Variants in ARHGEF11 observed in about 807,000 individuals in gnomAD.
ARHGEF11 encodes the protein Rho guanine exchange factor (GEF) 11.
A neutral mutation model predicts 193.7 loss-of-function variants in ARHGEF11; 55 were observed. That is an observed-to-expected ratio of 0.28 (90% CI 0.23 to 0.36). The LOEUF (loss-of-function observed/expected upper bound fraction) is 0.36. Among genes scored for constraint, ARHGEF11 ranks in the 10% least tolerant of loss-of-function variants. The pLI, the probability that ARHGEF11 is intolerant of heterozygous loss-of-function variation, is 1.00. For missense variants in ARHGEF11, 1,723 were observed against 2,005.6 expected, an observed-to-expected ratio of 0.86 and a Z score of 2.69; for synonymous variants, 693 against 768.0, an observed-to-expected ratio of 0.90 and a Z score of 1.62.
chr1:157,024,011 T>C (rs771388420), intron 1 of ARHGEF11, among the ~76,000 whole-genome samples: 11 of 152,146 alleles, frequency 7.2e-5, no homozygotes, highest in Non-Finnish European at 8.8e-5. Context: ...GCATTATTCA[T>C]AATAGCCAAA....
At chr1:156,936,493 A>ATATATATAT (rs1481502478) in intron 40 of ARHGEF11, among the ~76,000 whole-genome samples, 20 of 62,394 alleles carry the variant, frequency 3.2e-4, no homozygotes, top group South Asian at 1.5e-3. Context: ...AAAAAAAAAA[A>ATATATATAT]AAAAATATAT....
intron 1 of ARHGEF11, among the ~76,000 whole-genome samples, chr1:157,029,539 T>C (rs1374418530): frequency 6.6e-6 from 1 of 152,138 alleles, no homozygotes; most frequent in African/African-American, 2.4e-5. Context: ...CCCAAAGCAC[T>C]GGGATTACAG....
At chr1:156,967,953 AAGGAAAACTGC>A (rs765868342) in intron 11 of ARHGEF11, 23 bp downstream of exon 11, 53 of 1,612,914 alleles carry the variant, frequency 3.3e-5, no homozygotes, top group Non-Finnish European at 4.4e-5. Context: ...CTTCTGAGAA[AAGGAAAACTGC>A]AGGGTGGCTC....
At chr1:157,029,092 G>T (rs1025496752) in intron 1 of ARHGEF11, among the ~76,000 whole-genome samples, 1 of 151,550 alleles carries the variant, frequency 6.6e-6, no homozygotes, top group African/African-American at 2.4e-5. Flanking sequence ...ACCTGAGCTG[G>T]GGAGGTCAAG....
intron 1 of ARHGEF11, among the ~76,000 whole-genome samples, chr1:157,033,262 T>A (rs1279103565): frequency 6.6e-6 from 1 of 152,044 alleles, no homozygotes; most frequent in Non-Finnish European, 1.5e-5. Context: ...CCTTTTTTTT[T>A]ATTGAATAGT....
intron 11 of ARHGEF11, chr1:156,967,775 T>G (rs1461219816): frequency 1.6e-6 from 1 of 638,594 alleles, no homozygotes; most frequent in African/African-American, 1.8e-5. Flanking sequence ...ACTCTCCACA[T>G]AGAAATGGAG....
upstream of ARHGEF11, among the ~76,000 whole-genome samples, chr1:157,046,830 T>TG (rs1160678890): frequency 9.6e-5 from 13 of 134,956 alleles, no homozygotes; most frequent in African/African-American, 3.4e-4. Flanking sequence ...GCCAACATGG[T>TG]GAAACCCCCC....
chr1:156,940,440 AG>A lies in ARHGEF11; in HGVS notation c.3515-16del. 3 of 1,589,250 alleles carry A rather than the reference AG, an allele frequency of 1.9e-6. No homozygotes were observed. The highest frequency in any genetic ancestry group is 2.6e-6 in the Non-Finnish European group (3 of 1,162,922). On this transcript the variant is annotated splice_polypyrimidine_tract_variant and intron_variant, in intron 35 of 40. Transcript: ENST00000368194. ...GGACCCAGTGCCTGTTTCGGATGAG[AG>A]AAGATTGTAAGGCAGGGAAAGGGAG...
rs756850014 is a variant in ARHGEF11, at chr1:156,947,963, GA to G, written c.2154-8del. On this transcript the variant is annotated splice_region_variant and splice_polypyrimidine_tract_variant and intron_variant, in intron 24 of 40. Transcript: ENST00000368194. Reference sequence around the variant, plus strand: ...ACTGGGGGACTCAATGCTCCTGGGGGAAAACAGGCAGCTCAGCTTCATTTAG... The same window carrying G: ...ACTGGGGGACTCAATGCTCCTGGGGGAAACAGGCAGCTCAGCTTCATTTAG... 1.2e-6 allele frequency: 2 copies of G among 1,611,408 alleles called. No homozygotes were observed. The highest frequency in any genetic ancestry group is 1.3e-5 in the African/African-American group (1 of 74,996).
rs1658623193 is a variant in ARHGEF11, at chr1:156,948,782, G to A, written c.1926-284C>T. The A allele has an allele frequency of 1.0e-6, 1 of 985,236 alleles. No individual in the cohort carries two copies. Among genetic ancestry groups the A allele is most frequent in the African/African-American group, 1.7e-5 (1 of 57,218 alleles). The allele number at this position is 985,236 out of a possible 1,614,324, so 61.0% of individuals were successfully genotyped here. ...GATCCTAACAGGAAGATGAAATCTGGGGCTAACAGACTCTGAGTTGTAGTG... is the reference window on the plus strand; with the variant it reads ...GATCCTAACAGGAAGATGAAATCTGAGGCTAACAGACTCTGAGTTGTAGTG... On this transcript the variant is annotated intron_variant, in intron 22 of 40. Coordinates refer to ENST00000368194, the MANE Select transcript of ARHGEF11 (RefSeq NM_198236.3). The surrounding 1 kb of genome is among the most constrained non-coding windows in gnomAD (Gnocchi z 4.2).
intron 1 of ARHGEF11, among the ~76,000 whole-genome samples, chr1:157,032,542 G>C (rs1310542173): frequency 2.0e-5 from 3 of 152,130 alleles, no homozygotes; most frequent in Non-Finnish European, 4.4e-5. Context: ...TGATTCTAAA[G>C]GATTCTAAAG....
At chr1:156,955,951 G>C in intron 19 of ARHGEF11, 152 bp from the exon 20 acceptor site, 1 of 701,764 alleles carries the variant, frequency 1.4e-6, no homozygotes, top group Non-Finnish European at 2.6e-6. Context: ...GTTCGCCTCT[G>C]GCCTGGGTTT....
At chr1:157,046,692 T>A (rs1673350313), upstream of ARHGEF11, among the ~76,000 whole-genome samples, 1 of 152,190 alleles carries the variant, frequency 6.6e-6, no homozygotes, top group African/African-American at 2.4e-5. Flanking sequence ...CATAACCCCC[T>A]CTCATAGAAT....
intron 10 of ARHGEF11, among the ~76,000 whole-genome samples, chr1:156,968,666 A>G (rs1662070638): frequency 1.3e-5 from 2 of 152,244 alleles, no homozygotes; most frequent in South Asian, 4.1e-4. Flanking sequence ...ATATTCACAT[A>G]TTTAATTACT....
chr1:156,976,887 T>C (rs759026123), intron 7 of ARHGEF11, 96 bp downstream of exon 7: 136 of 1,101,570 alleles, frequency 1.2e-4, no homozygotes, highest in Non-Finnish European at 1.8e-4. Flanking sequence ...TGATAGGATA[T>C]TGCCTGTAAA....
chr1:156,941,815 G>A (rs542429157), intron 34 of ARHGEF11, 49 bp downstream of exon 34: 2 of 1,550,560 alleles, frequency 1.3e-6, no homozygotes, highest in East Asian at 2.2e-5. Context: ...CAGGAAACAG[G>A]AGGTTTGGAG....
intron 1 of ARHGEF11, among the ~76,000 whole-genome samples, chr1:157,036,195 GAA>G (rs1491341656): frequency 9.4e-6 from 1 of 106,404 alleles, no homozygotes; most frequent in African/African-American, 3.1e-5. Context: ...ATACATATAT[GAA>G]TATATATACA....
intron 40 of ARHGEF11, 110 bp from the exon 41 acceptor site, chr1:156,936,168 TCTC>T (rs747866385): frequency 3.5e-6 from 4 of 1,144,822 alleles, no homozygotes; most frequent in Middle Eastern, 1.9e-4. Context: ...TCACCTTCCT[TCTC>T]CTCCAGAAAC....
chr1:157,017,187 C>A (rs1348702332), intron 1 of ARHGEF11, among the ~76,000 whole-genome samples: 1 of 152,178 alleles, frequency 6.6e-6, no homozygotes, highest in African/African-American at 2.4e-5. Flanking sequence ...TCCAAGTATT[C>A]CTCAGGCAGT....
Sources: allele counts gnomAD v4.1 joint callset (sites outside exome capture counted in the v4.1 genomes callset), GRCh38; gene constraint gnomAD v4.1.1; non-coding constraint Gnocchi (gnomAD v3.1); transcripts MANE v1.5; gene names NCBI Gene and HGNC (gene_info 2026-07-23, HGNC 2026-07-21).